STK3: variants seen among roughly 807,000 people sequenced by gnomAD.
STK3 encodes serine/threonine-protein kinase 3.
STK3 carries 41 observed loss-of-function variants against 58.0 expected under a neutral mutation model. That is an observed-to-expected ratio of 0.71 (90% CI 0.55 to 0.92). The LOEUF (loss-of-function observed/expected upper bound fraction) is 0.92, where lower values mean the gene tolerates loss of function less well. Ranked by LOEUF, STK3 falls within the 40% of genes least tolerant of loss-of-function variation. STK3 has a pLI of 0.00. For missense variants in STK3, 479 were observed against 602.7 expected, an observed-to-expected ratio of 0.79 and a Z score of 2.15; for synonymous variants, 170 against 191.0, an observed-to-expected ratio of 0.89 and a Z score of 0.91.
chr8:98,746,702 T>A (rs1829664402), intron 4 of STK3, among the ~76,000 whole-genome samples: 1 of 152,086 alleles, frequency 6.6e-6, no homozygotes, highest in African/African-American at 2.4e-5. Flanking sequence ...CTAAAAGGAA[T>A]CACTAACCTA....
At chr8:98,869,567 G>A (rs1039432033) in intron 3 of STK3, among the ~76,000 whole-genome samples, 3 of 152,174 alleles carry the variant, frequency 2.0e-5, no homozygotes, top group Admixed American at 6.5e-5. Flanking sequence ...AAGGCCATGT[G>A]AAGACAGAGG....
At chr8:98,675,870 GAAAAA>G (rs1039232102) in intron 6 of STK3, among the ~76,000 whole-genome samples, 1 of 138,434 alleles carries the variant, frequency 7.2e-6, no homozygotes, top group Non-Finnish European at 1.6e-5. Flanking sequence ...TCTCAAAAAA[GAAAAA>G]AAAAAGCAGG....
At chr8:98,715,462 G>A (rs1244790119) in intron 4 of STK3, among the ~76,000 whole-genome samples, 1 of 151,578 alleles carries the variant, frequency 6.6e-6, no homozygotes, top group Non-Finnish European at 1.5e-5. Context: ...CCATCAAAAA[G>A]TGGGCAAAGG....
At position 98,631,750 on chromosome 8, in the gene STK3, C is replaced by T. The variant is rs183583183; in HGVS notation, c.685-35581G>A. Reference sequence around the variant, plus strand: ...CACGACCTCGGCTCACTGCAACCTCCGCCTCCTGGGTTCAAGCAATTCTCC... The same window carrying T: ...CACGACCTCGGCTCACTGCAACCTCTGCCTCCTGGGTTCAAGCAATTCTCC... On this transcript the variant is annotated intron_variant, in intron 6 of 10. Coordinates refer to ENST00000419617, the MANE Select transcript of STK3 (RefSeq NM_006281.4). Among the ~76,000 whole-genome samples the T allele has an allele frequency of 2.0e-4, 31 of 152,248 alleles. No individual in the cohort carries two copies. The East Asian group carries it at 4.8e-3, about 24-fold the overall frequency.
intron 7 of STK3, among the ~76,000 whole-genome samples, chr8:98,588,547 C>A (rs1387495466): frequency 9.9e-5 from 15 of 151,978 alleles, no homozygotes; most frequent in Non-Finnish European, 2.1e-4. Context: ...TCCTTCATTT[C>A]AACTTTGGTG....
exon 3 of STK3, chr8:98,371,378 A>G (rs1353351244): frequency 1.3e-5 from 2 of 152,220 alleles, no homozygotes; most frequent in Non-Finnish European, 2.9e-5. Context: ...TTATGGTCCC[A>G]TTTTAACAGA....
rs1817317856 is a variant in STK3 at position 98,612,936 on chromosome 8, G to GCT, written c.685-16768_685-16767insAG. Among the ~76,000 whole-genome samples the GCT allele has an allele frequency of 2.0e-5, 3 of 152,224 alleles. No individual in the cohort carries two copies. In the South Asian group the frequency reaches 6.2e-4, roughly 32 times the overall value. ...CCCCCCCTAGCAGTGTCAGTAGACA[G>GCT]CAAGTAGAACCTGTACTTCCTCTCC... On this transcript the variant is annotated intron_variant, in intron 6 of 10. Coordinates refer to ENST00000419617, the MANE Select transcript of STK3 (RefSeq NM_006281.4).
At chr8:98,406,215 C>A (rs900715017) in intron 3 of STK3, among the ~76,000 whole-genome samples, 1 of 151,502 alleles carries the variant, frequency 6.6e-6, no homozygotes, top group South Asian at 2.1e-4. Flanking sequence ...TACTTATCTT[C>A]CCCCCAGGCA....
At chr8:98,436,043 G>A (rs1227278306) in intron 2 of STK3, among the ~76,000 whole-genome samples, 1 of 152,114 alleles carries the variant, frequency 6.6e-6, no homozygotes, top group African/African-American at 2.4e-5. Context: ...TGTCCTGATG[G>A]TCACCAGTGC....
intron 2 of STK3, among the ~76,000 whole-genome samples, chr8:98,373,274 T>G (rs191212249): frequency 6.6e-6 from 1 of 152,310 alleles, no homozygotes; most frequent in Non-Finnish European, 1.5e-5. Flanking sequence ...GATTGGATCT[T>G]TTCCCCAATC....
chr8:98,571,601 G>A (rs1458511066), intron 8 of STK3, among the ~76,000 whole-genome samples: 1 of 152,090 alleles, frequency 6.6e-6, no homozygotes, highest in African/African-American at 2.4e-5. Context: ...ACCATAAGAG[G>A]TCACCAGAAA....
chr8:98,573,780 G>A (rs576613950), intron 8 of STK3, among the ~76,000 whole-genome samples: 25 of 152,146 alleles, frequency 1.6e-4, no homozygotes, highest in Admixed American at 1.5e-3. Flanking sequence ...CCATTCTCAC[G>A]CTGCTATAAA....
intron 10 of STK3, among the ~76,000 whole-genome samples, chr8:98,476,580 G>A (rs552390283): frequency 6.6e-6 from 1 of 152,242 alleles, no homozygotes; most frequent in East Asian, 1.9e-4. Context: ...TCAGTTCAGA[G>A]TTGACAATCA....
At chr8:98,530,696 CATGAGAT>C (rs1211972561) in intron 9 of STK3, among the ~76,000 whole-genome samples, 5 of 152,318 alleles carry the variant, frequency 3.3e-5, no homozygotes, top group African/African-American at 1.2e-4. Context: ...TTCTCTGTAG[CATGAGAT>C]GCTGTTTCGT....
chr8:98,876,322 A>G (rs906350772), intron 3 of STK3, among the ~76,000 whole-genome samples: 1 of 152,214 alleles, frequency 6.6e-6, no homozygotes, highest in Admixed American at 6.5e-5. Flanking sequence ...AGACCAAGAG[A>G]GAAAAATTCT....
chr8:98,534,783 T>TA (rs1809623272), intron 9 of STK3, among the ~76,000 whole-genome samples: 1 of 152,212 alleles, frequency 6.6e-6, no homozygotes, highest in Non-Finnish European at 1.5e-5. Context: ...TATACTAAAA[T>TA]AGAGTCTAGG....
At chr8:98,587,617 C>T (rs1290429207) in intron 7 of STK3, among the ~76,000 whole-genome samples, 1 of 152,070 alleles carries the variant, frequency 6.6e-6, no homozygotes, top group Non-Finnish European at 1.5e-5. Context: ...ATTAGTTCCG[C>T]TTGGTGCAGA....
At chr8:98,698,624 G>T (rs1825219943) in intron 6 of STK3, among the ~76,000 whole-genome samples, 1 of 152,160 alleles carries the variant, frequency 6.6e-6, no homozygotes, top group Non-Finnish European at 1.5e-5. Flanking sequence ...CACTTATGAA[G>T]CTTAGTTTGG....
chr8:98,914,777 G>A (rs1197661946), intron 1 of STK3, among the ~76,000 whole-genome samples: 3 of 152,176 alleles, frequency 2.0e-5, no homozygotes, highest in Non-Finnish European at 2.9e-5. Flanking sequence ...CTGAAAGATG[G>A]ATGTGACACA....
Sources: allele counts gnomAD v4.1 joint callset (sites outside exome capture counted in the v4.1 genomes callset), GRCh38; gene constraint gnomAD v4.1.1; transcripts MANE v1.5; gene names NCBI Gene and HGNC (gene_info 2026-07-23, HGNC 2026-07-21).